The following ANO10 variants were observed in gnomAD, a reference collection of about 807,000 sequenced individuals.
The protein encoded by ANO10 is anoctamin 10, also known as anoctamin-10.
ANO10 carries 77 observed loss-of-function variants against 74.7 expected under a neutral mutation model. The ratio of observed to expected loss-of-function variants is 1.03; its 90% CI spans 0.86 to 1.25. The LOEUF is 1.25. Among genes scored for constraint, ANO10 ranks in the 50% most tolerant of loss-of-function variants. ANO10 has a pLI of 0.00. For synonymous variants in ANO10, 279 were observed against 284.9 expected (o/e 0.98, Z 0.21); for missense variants, 721 against 778.1 (o/e 0.93, Z 0.87).
chr3:43,557,202 G>A (rs934677421), intron 9 of ANO10, among the ~76,000 whole-genome samples: 8 of 151,424 alleles, frequency 5.3e-5, no homozygotes, highest in Non-Finnish European at 1.0e-4. Flanking sequence ...CCAACCGAAT[G>A]ATCAAACAAG....
intron 11 of ANO10, among the ~76,000 whole-genome samples, chr3:43,436,767 C>A (rs1042256632): frequency 6.6e-6 from 1 of 152,162 alleles, no homozygotes; most frequent in Non-Finnish European, 1.5e-5. Context: ...GGAGAGCCAG[C>A]AGAACCATTT....
Position 43,600,441 on chromosome 3 carries a change from C to T in ANO10, c.280G>A (p.Asp94Asn), listed in dbSNP as rs374852259. The T allele has an allele frequency of 5.6e-6, 9 of 1,613,984 alleles. No individual in the cohort carries two copies. The African/African-American group carries it at 1.2e-4, about 22-fold the overall frequency. Reference protein sequence around the residue: ...EAVGLVKECNDNTMRAFTYRT... With the variant: ...EAVGLVKECNNNTMRAFTYRT... The stretch of plus-strand genomic sequence containing the variant: ...TATGTGAAGGCTCTCATGGTGTTAT[C>T]ATTGCACTCTTTTACCAATCCCACT... The change falls in exon 3 of 13, where the codon GAT (aspartate) becomes AAT (asparagine). Residue 94 changes from aspartate to asparagine, a missense_variant. Transcript: ENST00000292246.
chr3:43,513,201 C>G (rs72865039), intron 11 of ANO10, among the ~76,000 whole-genome samples: 85 of 152,288 alleles, frequency 5.6e-4, no homozygotes, highest in African/African-American at 1.8e-3. Flanking sequence ...GGACTGAGAA[C>G]AGTGTCTGTC....
chr3:43,422,059 T>C (rs564597257), intron 12 of ANO10, among the ~76,000 whole-genome samples: 1 of 152,346 alleles, frequency 6.6e-6, no homozygotes, highest in South Asian at 2.1e-4. Context: ...ATTAATCTAA[T>C]ACAGAATATG....
intron 11 of ANO10, among the ~76,000 whole-genome samples, chr3:43,548,816 T>A (rs1322115682): frequency 1.3e-5 from 2 of 152,208 alleles, no homozygotes; most frequent in Non-Finnish European, 2.9e-5. Context: ...ATTTGGTTAG[T>A]GCTTAATTTC....
chr3:43,493,403 T>TA (rs2076801712), intron 11 of ANO10, among the ~76,000 whole-genome samples: 1 of 152,042 alleles, frequency 6.6e-6, no homozygotes, highest in Non-Finnish European at 1.5e-5. Context: ...ACCCAGAACT[T>TA]AAAGTATAAT....
intron 12 of ANO10, among the ~76,000 whole-genome samples, chr3:43,430,711 A>G (rs1013453509): frequency 2.6e-5 from 4 of 152,162 alleles, no homozygotes; most frequent in South Asian, 4.1e-4. Context: ...ATACATTTTA[A>G]TATCTGACAA....
chr3:43,658,635 A>AT (rs555972356), intron 1 of ANO10, among the ~76,000 whole-genome samples: 3 of 151,970 alleles, frequency 2.0e-5, no homozygotes, highest in East Asian at 1.9e-4. Flanking sequence ...AGCCCAGCTA[A>AT]TTTTTTGTAT....
At chr3:43,394,692 C>T (rs1273721983) in intron 12 of ANO10, among the ~76,000 whole-genome samples, 3 of 152,156 alleles carry the variant, frequency 2.0e-5, no homozygotes, top group Non-Finnish European at 4.4e-5. Flanking sequence ...AACTGAAAAA[C>T]GCAACAGTGG....
chr3:43,594,797 C>A (rs191521291), intron 4 of ANO10, among the ~76,000 whole-genome samples: 3,309 of 152,056 alleles, frequency 0.022, 44 homozygotes, highest in Middle Eastern at 0.051. Context: ...ACACAAAAAA[C>A]CCTTCAAAAA....
At chr3:43,409,877 T>A (rs2092637042) in intron 12 of ANO10, among the ~76,000 whole-genome samples, 2 of 152,178 alleles carry the variant, frequency 1.3e-5, no homozygotes, top group Admixed American at 1.3e-4. Flanking sequence ...TTTAAGGGGA[T>A]TTAACTTTTT....
At chr3:43,481,344 G>A (rs1010841112) in intron 11 of ANO10, among the ~76,000 whole-genome samples, 1 of 152,136 alleles carries the variant, frequency 6.6e-6, no homozygotes, top group Non-Finnish European at 1.5e-5. Context: ...AAAAAAATGA[G>A]TAAAATGTAG....
chr3:43,463,914 G>A (rs1489873185), intron 11 of ANO10, among the ~76,000 whole-genome samples: 1 of 152,164 alleles, frequency 6.6e-6, no homozygotes, highest in Non-Finnish European at 1.5e-5. Flanking sequence ...CCCGGTGGGA[G>A]GTAACTGAAT....
chr3:43,548,245 A>G (rs1156548340), intron 11 of ANO10, among the ~76,000 whole-genome samples: 1 of 152,132 alleles, frequency 6.6e-6, no homozygotes, highest in Non-Finnish European at 1.5e-5. Context: ...AAATTTTTAG[A>G]TCTGTGAAGT....
chr3:43,405,404 G>T (rs2092558722), intron 12 of ANO10, among the ~76,000 whole-genome samples: 1 of 152,210 alleles, frequency 6.6e-6, no homozygotes, highest in African/African-American at 2.4e-5. Context: ...GACCATCCAT[G>T]AACTCACTGT....
Position 43,600,402 on chromosome 3 carries a change from T to A in ANO10, c.319A>T (p.Asn107Tyr). 3 of 1,614,070 alleles carry A rather than the reference T, an allele frequency of 1.9e-6. No homozygotes were observed. Among genetic ancestry groups the A allele is most frequent in the Non-Finnish European group, 2.5e-6 (3 of 1,179,954 alleles). Residue 107 changes from asparagine to tyrosine, a missense_variant, in exon 3 of 13, where the codon AAC becomes TAC. By Grantham distance (143) the Asn-to-Tyr change is moderately radical (BLOSUM62 -2). Coordinates refer to ENST00000292246, the MANE Select transcript of ANO10 (RefSeq NM_018075.5). ...GGCTTACCATCAAAACCTTTGAAGT[T>A]CTGTCTGGTTCTGTATGTGAAGGCT... ...MRAFTYRTRQNFKGFDDNNDD... is the reference protein window; with the variant it reads ...MRAFTYRTRQYFKGFDDNNDD...
At position 43,684,932 on chromosome 3, in the gene ANO10, G is replaced by A. The variant is rs531847359; in HGVS notation, c.-12+6585C>T. On this transcript the variant is annotated intron_variant, in intron 1 of 3. Coordinates refer to the ANO10 transcript ENST00000413397. ...AACATCACACACCGGGGCCTGTTGT[G>A]GGGTCGGGGGCATGGGGAGGGATAG... is the stretch of plus-strand genomic sequence containing the variant. 9.8e-5 allele frequency among the ~76,000 whole-genome samples: 15 copies of A among 152,298 alleles called. No homozygotes were observed. The East Asian group carries it at 2.3e-3, about 24-fold the overall frequency.
chr3:43,489,121 G>GAGAT (rs1183476650), intron 11 of ANO10, among the ~76,000 whole-genome samples: 1 of 144,086 alleles, frequency 6.9e-6, no homozygotes, highest in African/African-American at 2.6e-5. Flanking sequence ...ATTGAACAAT[G>GAGAT]AGATCACCTG....
At chr3:43,567,131 G>GA (rs2080405254) in intron 7 of ANO10, among the ~76,000 whole-genome samples, 1 of 152,060 alleles carries the variant, frequency 6.6e-6, no homozygotes, top group Non-Finnish European at 1.5e-5. Context: ...GAAGTTTAGA[G>GA]AAAAAAGAAT....
Sources: gnomAD v4.1 joint callset for allele counts (sites outside exome capture counted in the v4.1 genomes callset) on GRCh38, gnomAD v4.1.1 for gene constraint, MANE v1.5 for transcripts, NCBI Gene and HGNC (gene_info 2026-07-23, HGNC 2026-07-21) for gene names.